Variants in SRSF12 observed in about 807,000 individuals in gnomAD.
The protein encoded by SRSF12 is serine and arginine rich splicing factor 12.
SRSF12 carries 21 observed loss-of-function variants against 34.1 expected under a neutral mutation model. That is an observed-to-expected ratio of 0.62 (90% CI 0.44 to 0.89). SRSF12 has a LOEUF of 0.89. SRSF12 is among the 40% of genes least tolerant of loss of function. The probability of loss-of-function intolerance (pLI) is 0.00; values close to 1 mark genes in which losing one functional copy is unlikely to be tolerated. For synonymous variants in SRSF12, 111 were observed against 110.8 expected (o/e 1.00, Z -0.01); for missense variants, 278 against 327.8 (o/e 0.85, Z 1.17).
chr6:89,116,874 G>A (rs1289349993), intron 1 of SRSF12, among the ~76,000 whole-genome samples: 2 of 152,070 alleles, frequency 1.3e-5, no homozygotes, highest in Non-Finnish European at 2.9e-5. Flanking sequence ...GGAGTCAAGA[G>A]CTCCATGTAT....
intron 4 of SRSF12, among the ~76,000 whole-genome samples, chr6:89,102,072 A>G (rs1404738184): frequency 3.9e-5 from 6 of 151,992 alleles, no homozygotes; most frequent in Non-Finnish European, 8.8e-5. Flanking sequence ...AGTAACATTG[A>G]ACTAGATGAA....
intron 1 of SRSF12, among the ~76,000 whole-genome samples, chr6:89,115,631 C>CTTTTTTTTTTTT (rs760005395): frequency 4.7e-5 from 6 of 129,002 alleles, no homozygotes; most frequent in African/African-American, 9.3e-5. Context: ...TTTTTTCTTT[C>CTTTTTTTTTTTT]TTTTTTTTTT....
chr6:89,106,246 G>A (rs1768778818), intron 2 of SRSF12, among the ~76,000 whole-genome samples: 1 of 151,272 alleles, frequency 6.6e-6, no homozygotes, highest in African/African-American at 2.4e-5. Context: ...CCAAGTAGCT[G>A]GGACTACAGG....
chr6:89,115,306 G>A (rs543907125), intron 1 of SRSF12, among the ~76,000 whole-genome samples: 3 of 151,954 alleles, frequency 2.0e-5, no homozygotes, highest in South Asian at 4.2e-4. Flanking sequence ...TTTTGAGACA[G>A]AGTCTCACTC....
At chr6:89,109,624 GC>G (rs1200894440) in intron 1 of SRSF12, among the ~76,000 whole-genome samples, 1 of 152,174 alleles carries the variant, frequency 6.6e-6, no homozygotes, top group African/African-American at 2.4e-5. Context: ...GAGTCTGGAA[GC>G]CAAGGGTGAT....
Position 89,102,340 on chromosome 6 carries a change from C to T in SRSF12, c.416+2779G>A, listed in dbSNP as rs111850225. Among the ~76,000 whole-genome samples, 366 of 152,160 alleles carry T rather than the reference C, an allele frequency of 2.4e-3. 4 individuals are homozygous for T. Among genetic ancestry groups the T allele is most frequent in the African/African-American group, 8.1e-3 (335 of 41,514 alleles). On this transcript the variant is annotated intron_variant, in intron 4 of 4. Coordinates refer to ENST00000452027, the MANE Select transcript of SRSF12 (RefSeq NM_080743.5). ...TGTATTTTTAGTAGAGATGGGGTTT[C>T]GCCATGTTGGCCAGGCATGTCTGAC...
intron 2 of SRSF12, chr6:89,106,819 T>C (rs186215568): frequency 2.7e-6 from 1 of 365,910 alleles, no homozygotes; most frequent in Non-Finnish European, 5.3e-6. Context: ...AGCCGAAGTC[T>C]CAACCTGGTG....
chr6:89,114,230 C>CT (rs1273669759), intron 1 of SRSF12, among the ~76,000 whole-genome samples: 1 of 152,274 alleles, frequency 6.6e-6, no homozygotes, highest in African/African-American at 2.4e-5. Flanking sequence ...GAGTTCGAGA[C>CT]CAGCCTGGCC....
chr6:89,117,729 C>A, intron 1 of SRSF12, 94 bp downstream of exon 1: 2 of 1,288,022 alleles, frequency 1.6e-6, no homozygotes, highest in Non-Finnish European at 2.0e-6. Flanking sequence ...CGCGCAGCTC[C>A]CCCGAGCCTC....
At chr6:89,100,875 C>T (rs570720576) in intron 4 of SRSF12, among the ~76,000 whole-genome samples, 1 of 152,114 alleles carries the variant, frequency 6.6e-6, no homozygotes, top group East Asian at 1.9e-4. Context: ...GAGGCCAAGG[C>T]GAGTGGATCA....
rs1195255233 is a variant in SRSF12 at position 89,098,272 on chromosome 6, G to A, written c.*306C>T. On this transcript the variant is annotated 3_prime_UTR_variant, in exon 5 of 5. Coordinates refer to ENST00000452027, the MANE Select transcript of SRSF12 (RefSeq NM_080743.5). Reference sequence around the variant, plus strand: ...GTATTATTAATAGTACTAATACTATGCAAGTAGAATTTTAAAAATTAGTTC... The same window carrying A: ...GTATTATTAATAGTACTAATACTATACAAGTAGAATTTTAAAAATTAGTTC... 1 of 246,678 alleles carries A rather than the reference G, an allele frequency of 4.1e-6. No homozygotes were observed. Among genetic ancestry groups the A allele is most frequent in the Non-Finnish European group, 7.9e-6 (1 of 127,366 alleles). 15.3% of individuals were successfully genotyped at this position (246,678 alleles called of 1,614,324 possible).
chr6:89,117,783 C>T (rs1769384941), intron 1 of SRSF12, 40 bp downstream of exon 1: 2 of 1,525,926 alleles, frequency 1.3e-6, no homozygotes, highest in South Asian at 1.2e-5. Flanking sequence ...GTTACCCCGC[C>T]CCTCCTCCGC....
In SRSF12 at chr6:89,097,868, A is replaced by C. The variant is rs1254748947; in HGVS notation, c.*710T>G. On this transcript the variant is annotated 3_prime_UTR_variant, in exon 5 of 5. Transcript: ENST00000452027. ...TATTTTTGGATTGTGAGTGTTGCTC[A>C]GCCTAATTTTTAAAGAATTAGTCTC... The C allele has an allele frequency of 6.6e-6, 1 of 152,188 alleles. No homozygotes were observed. The highest frequency in any genetic ancestry group is 6.6e-5 in the Admixed American group (1 of 15,264). 9.4% of individuals were successfully genotyped at this position (152,188 alleles called of 1,614,324 possible). A position where few individuals can be genotyped will look rare whatever the true frequency, so the allele number is the denominator to read the frequency against.
intron 2 of SRSF12, among the ~76,000 whole-genome samples, chr6:89,106,416 C>T (rs1159661175): frequency 6.6e-6 from 1 of 152,164 alleles, no homozygotes; most frequent in Non-Finnish European, 1.5e-5. Context: ...CCCAGCCAAA[C>T]ATTTATGTTT....
chr6:89,113,451 C>G (rs879631281), intron 1 of SRSF12, among the ~76,000 whole-genome samples: 1 of 151,936 alleles, frequency 6.6e-6, no homozygotes, highest in Admixed American at 6.6e-5. Context: ...GGATTATAGG[C>G]GTGAGCCACC....
intron 4 of SRSF12, among the ~76,000 whole-genome samples, chr6:89,104,553 T>G (rs972315815): frequency 2.6e-5 from 4 of 152,022 alleles, no homozygotes; most frequent in African/African-American, 9.7e-5. Flanking sequence ...TATTTTTTTT[T>G]ACTTTTTTTT....
intron 1 of SRSF12, among the ~76,000 whole-genome samples, chr6:89,109,955 G>A (rs528684145): frequency 7.9e-5 from 12 of 152,230 alleles, no homozygotes; most frequent in African/African-American, 2.9e-4. Context: ...ACTGGGCGTG[G>A]TGGCGGGCGC....
In SRSF12 at chr6:89,107,208, A is replaced by G; in HGVS notation, c.116T>C (p.Val39Ala). ...AGTGTAGAAGTCAAGTGGAATGTAAACGTCTACTATAGGGCCATATCGACC... is the reference window on the plus strand; with the variant it reads ...AGTGTAGAAGTCAAGTGGAATGTAAGCGTCTACTATAGGGCCATATCGACC... ...EFGRYGPIVD[V>A]YIPLDFYTRR... Residue 39 changes from valine (V) to alanine (A), a missense_variant, in exon 2 of 5, where the codon GTT becomes GCT. By Grantham distance (64) the Val-to-Ala change is moderately conservative. Transcript: ENST00000452027. 6.2e-7 allele frequency: 1 copy of G among 1,614,012 alleles called. No homozygotes were observed. The highest frequency in any genetic ancestry group is 8.5e-7 in the Non-Finnish European group (1 of 1,179,998).
Position 89,097,637 on chromosome 6 carries a change from A to AACC in SRSF12, c.*938_*940dup, listed in dbSNP as rs2127988767. On this transcript the variant is annotated 3_prime_UTR_variant, in exon 5 of 5. Transcript: ENST00000452027. ...CCAAAGTGCTGGGATTACAGGAGTG[A>AACC]ACCACCACGCTTGGCCAAGTTTCTT... The AACC allele has an allele frequency of 6.6e-6, 1 of 152,258 alleles. No homozygotes were observed. The highest frequency in any genetic ancestry group is 2.4e-5 in the African/African-American group (1 of 41,536). The allele number at this position is 152,258 out of a possible 1,614,324, so 9.4% of individuals were successfully genotyped here.
Sources: allele counts gnomAD v4.1 joint callset (sites outside exome capture counted in the v4.1 genomes callset), GRCh38; gene constraint gnomAD v4.1.1; transcripts MANE v1.5; gene names NCBI Gene and HGNC (gene_info 2026-07-23, HGNC 2026-07-21).